Variants in GALNTL6 observed in about 807,000 individuals in gnomAD.
GALNTL6 encodes the protein polypeptide N-acetylgalactosaminyltransferase like 6.
Under a neutral mutation model 73.7 loss-of-function variants are expected in GALNTL6, and 46 were observed. The observed-to-expected ratio is 0.62, with a 90% confidence interval of 0.49 to 0.80. GALNTL6 has a LOEUF of 0.80. Ranked by LOEUF, GALNTL6 falls within the 30% of genes least tolerant of loss-of-function variation. GALNTL6 has a pLI of 0.00. For missense variants in GALNTL6, 604 were observed against 755.0 expected, an observed-to-expected ratio of 0.80 and a Z score of 2.34; for synonymous variants, 259 against 263.7, an observed-to-expected ratio of 0.98 and a Z score of 0.17.
At chr4:172,877,670 A>G (rs1745260366) in intron 7 of GALNTL6, among the ~76,000 whole-genome samples, 1 of 151,682 alleles carries the variant, frequency 6.6e-6, no homozygotes, top group African/African-American at 2.4e-5. Context: ...GATTTAACAT[A>G]AAATAGAAAA....
intron 5 of GALNTL6, among the ~76,000 whole-genome samples, chr4:172,363,367 A>T (rs112543658): frequency 0.025 from 3,769 of 152,166 alleles, 156 homozygotes; most frequent in African/African-American, 0.082. Flanking sequence ...TACGCCATTT[A>T]CTGTGTGGCC....
At chr4:172,086,437 T>A (rs1407286183) in intron 2 of GALNTL6, among the ~76,000 whole-genome samples, 1 of 152,166 alleles carries the variant, frequency 6.6e-6, no homozygotes, top group Admixed American at 6.5e-5. Context: ...GTTGTATATA[T>A]ATAATTATTT....
In GALNTL6 at chr4:172,893,342, T is replaced by TGGGG. The variant is rs1188538488; in HGVS notation, c.1041+10437_1041+10438insGGGG. Among the ~76,000 whole-genome samples, 13 of 129,688 alleles carry TGGGG rather than the reference T, an allele frequency of 1.0e-4. 2 individuals carry two copies. Among genetic ancestry groups the TGGGG allele is most frequent in the African/African-American group, 3.9e-4 (12 of 30,462 alleles). The allele number at this position is 129,688 out of a possible 152,430, so 85.1% of individuals were successfully genotyped here. A position where few individuals can be genotyped will look rare whatever the true frequency, so the allele number is the denominator to read the frequency against. On this transcript the variant is annotated intron_variant, in intron 8 of 12. Transcript: ENST00000506823. The stretch of plus-strand genomic sequence containing the variant: ...ATCACTCTTCTAAGTGTTCTGAGAG[T>TGGGG]GGCGGGGGGGGGGTCTTCCCCTTCT...
chr4:172,877,999 G>A (rs753482743), intron 7 of GALNTL6, among the ~76,000 whole-genome samples: 1 of 151,940 alleles, frequency 6.6e-6, no homozygotes, highest in Admixed American at 6.6e-5. Flanking sequence ...TAAACAAGTG[G>A]GAGATTGTAG....
At chr4:172,481,305 G>A (rs1163804357) in intron 5 of GALNTL6, among the ~76,000 whole-genome samples, 3 of 146,866 alleles carry the variant, frequency 2.0e-5, no homozygotes, top group South Asian at 4.3e-4. Flanking sequence ...TGAAGCTGCA[G>A]ACCTTCATGG....
At chr4:172,841,307 T>A (rs1743193784) in intron 7 of GALNTL6, among the ~76,000 whole-genome samples, 1 of 152,194 alleles carries the variant, frequency 6.6e-6, no homozygotes, top group African/African-American at 2.4e-5. Context: ...AAGTGTTCCG[T>A]GCATATCGCC....
intron 3 of GALNTL6, among the ~76,000 whole-genome samples, chr4:172,292,036 A>C (rs1443494608): frequency 6.6e-6 from 1 of 152,140 alleles, no homozygotes; most frequent in Non-Finnish European, 1.5e-5. Context: ...ACACTCACTC[A>C]TACATTCATT....
At chr4:172,290,243 T>G (rs1739416650) in intron 3 of GALNTL6, among the ~76,000 whole-genome samples, 1 of 152,174 alleles carries the variant, frequency 6.6e-6, no homozygotes, top group African/African-American at 2.4e-5. Flanking sequence ...GAGGAAACTT[T>G]CAGTTTGTAT....
chr4:172,322,049 C>T (rs1043368385), intron 4 of GALNTL6, among the ~76,000 whole-genome samples: 6 of 152,100 alleles, frequency 3.9e-5, no homozygotes, highest in Non-Finnish European at 5.9e-5. Context: ...AAGAGAAGAA[C>T]GCCTCAAGTG....
At chr4:173,003,465 T>C (rs1415318447) in intron 10 of GALNTL6, among the ~76,000 whole-genome samples, 1 of 152,164 alleles carries the variant, frequency 6.6e-6, no homozygotes, top group Admixed American at 6.5e-5. Context: ...AATAGAAATG[T>C]GATTTGGCCA....
chr4:172,650,668 A>T (rs1397174997), intron 5 of GALNTL6, among the ~76,000 whole-genome samples: 3 of 152,230 alleles, frequency 2.0e-5, no homozygotes, highest in Non-Finnish European at 4.4e-5. Context: ...AATGTGGAAG[A>T]AATGGAAAGA....
intron 3 of GALNTL6, among the ~76,000 whole-genome samples, chr4:172,244,983 A>G (rs972894859): frequency 6.6e-6 from 1 of 151,918 alleles, no homozygotes; most frequent in Admixed American, 6.6e-5. Flanking sequence ...TGTGTAGATT[A>G]TAAGCCTTGA....
chr4:172,858,713 A>C, intron 7 of GALNTL6, among the ~76,000 whole-genome samples: 1 of 152,162 alleles, frequency 6.6e-6, no homozygotes, highest in Middle Eastern at 3.2e-3. Flanking sequence ...TAAGCTGTCT[A>C]CTGTTCCTGC....
At chr4:172,025,129 G>C (rs1741523896) in intron 2 of GALNTL6, among the ~76,000 whole-genome samples, 1 of 151,958 alleles carries the variant, frequency 6.6e-6, no homozygotes, top group East Asian at 1.9e-4. Flanking sequence ...GGTTTTTACA[G>C]ATAATGTCTG....
At chr4:172,418,020 G>A (rs764993569) in intron 5 of GALNTL6, among the ~76,000 whole-genome samples, 4 of 152,030 alleles carry the variant, frequency 2.6e-5, no homozygotes, top group South Asian at 2.1e-4. Flanking sequence ...CCCACTAAGC[G>A]TCATTAATCC....
intron 2 of GALNTL6, among the ~76,000 whole-genome samples, chr4:172,110,019 CATT>C (rs961619265): frequency 1.2e-4 from 18 of 152,214 alleles, no homozygotes; most frequent in African/African-American, 4.3e-4. Context: ...AAAATTTGAT[CATT>C]GATTGGTGAG....
rs182587108 is a variant in GALNTL6, at chr4:172,921,441, G to C, written c.1042-9720G>C. On this transcript the variant is annotated intron_variant, in intron 8 of 12. Coordinates refer to ENST00000506823, the MANE Select transcript of GALNTL6 (RefSeq NM_001034845.3). ...CAGGTTGTGGCTGATATAGAAAATT[G>C]TTTTAAAAATAAGACAAACATTTAA... Among the ~76,000 whole-genome samples, 125 of 152,170 alleles carry C rather than the reference G, an allele frequency of 8.2e-4. 1 individual carries two copies. Among genetic ancestry groups the C allele is most frequent in the African/African-American group, 2.9e-3 (122 of 41,538 alleles).
At chr4:172,726,916 T>C (rs531581454) in intron 5 of GALNTL6, among the ~76,000 whole-genome samples, 22 of 152,340 alleles carry the variant, frequency 1.4e-4, no homozygotes, top group African/African-American at 5.1e-4. Context: ...GTCATCTTCA[T>C]TAATGATTAT....
chr4:172,159,710 T>G (rs2110787207), intron 2 of GALNTL6, among the ~76,000 whole-genome samples: 2 of 152,312 alleles, frequency 1.3e-5, no homozygotes, highest in South Asian at 4.1e-4. Context: ...GTAGTATGTG[T>G]TAAGAACTTT....
Sources: gnomAD v4.1 joint callset for allele counts (sites outside exome capture counted in the v4.1 genomes callset) on GRCh38, gnomAD v4.1.1 for gene constraint, MANE v1.5 for transcripts, NCBI Gene and HGNC (gene_info 2026-07-23, HGNC 2026-07-21) for gene names.